Variants in SAMMSON observed in about 807,000 individuals in gnomAD.
SAMMSON encodes long intergenic non-protein coding RNA 1212.
intron 6 of SAMMSON, among the ~76,000 whole-genome samples, chr3:70,268,930 G>T (rs1227341603): frequency 2.0e-5 from 3 of 151,982 alleles, no homozygotes; most frequent in Non-Finnish European, 4.4e-5. Context: ...ACTGACAATG[G>T]AAGCAATTAA....
At chr3:70,382,298 G>C (rs1404478416) in intron 9 of SAMMSON, among the ~76,000 whole-genome samples, 6 of 151,968 alleles carry the variant, frequency 3.9e-5, no homozygotes, top group Non-Finnish European at 5.9e-5. Context: ...ATTCTTAACA[G>C]TATCTTTTGA....
chr3:70,406,482 A>AC (rs1701179299), intron 2 of SAMMSON, among the ~76,000 whole-genome samples: 1 of 152,194 alleles, frequency 6.6e-6, no homozygotes, highest in Non-Finnish European at 1.5e-5. Context: ...TTGGTTTTAA[A>AC]CATTTTTTAA....
intron 4 of SAMMSON, among the ~76,000 whole-genome samples, chr3:70,096,599 G>C (rs186479236): frequency 2.9e-4 from 44 of 152,212 alleles, no homozygotes; most frequent in South Asian, 4.2e-4. Context: ...AATCCTGAAA[G>C]TGACATTCTG....
At chr3:70,119,683 T>A (rs1194981540) in intron 4 of SAMMSON, among the ~76,000 whole-genome samples, 5 of 152,104 alleles carry the variant, frequency 3.3e-5, no homozygotes, top group African/African-American at 1.2e-4. Context: ...TCAAGAAAAA[T>A]GTTTAAATAC....
intron 6 of SAMMSON, among the ~76,000 whole-genome samples, chr3:70,252,087 C>A (rs1272904344): frequency 2.0e-5 from 3 of 152,152 alleles, no homozygotes; most frequent in Non-Finnish European, 4.4e-5. Flanking sequence ...CAATTCTAAG[C>A]TAGCTCTGAA....
chr3:70,242,855 A>G (rs184171504), intron 4 of SAMMSON, among the ~76,000 whole-genome samples: 45 of 152,246 alleles, frequency 3.0e-4, no homozygotes, highest in Admixed American at 2.4e-3. Flanking sequence ...GGAGTATTTG[A>G]AAAAGCAAAT....
intron 4 of SAMMSON, among the ~76,000 whole-genome samples, chr3:70,109,629 A>G (rs2067380388): frequency 6.6e-6 from 1 of 152,144 alleles, no homozygotes; most frequent in African/African-American, 2.4e-5. Flanking sequence ...TGCGCATCAT[A>G]TTCACAATAG....
At chr3:70,350,453 C>T (rs1575631433) in intron 7 of SAMMSON, among the ~76,000 whole-genome samples, 1 of 151,988 alleles carries the variant, frequency 6.6e-6, no homozygotes, top group East Asian at 1.9e-4. Flanking sequence ...GAGTTTGTTT[C>T]TTGATATGTA....
At chr3:70,097,497 A>G (rs953235635) in intron 4 of SAMMSON, among the ~76,000 whole-genome samples, 2 of 152,234 alleles carry the variant, frequency 1.3e-5, no homozygotes, top group African/African-American at 4.8e-5. Flanking sequence ...TAAATTTTAT[A>G]ACTTGATTTG....
intron 3 of SAMMSON, chr3:70,030,419 A>C (rs753154127): frequency 6.6e-6 from 1 of 152,224 alleles, no homozygotes; most frequent in Non-Finnish European, 1.5e-5. Flanking sequence ...CTTTCTACAA[A>C]TATAACCAGA....
chr3:70,134,800 C>G (rs1354492134), intron 4 of SAMMSON, among the ~76,000 whole-genome samples: 2 of 152,080 alleles, frequency 1.3e-5, no homozygotes, highest in Admixed American at 1.3e-4. Flanking sequence ...CGGTACATTA[C>G]TCATGAATGG....
intron 3 of SAMMSON, among the ~76,000 whole-genome samples, chr3:70,034,994 C>T (rs2067080083): frequency 6.6e-6 from 1 of 152,086 alleles, no homozygotes; most frequent in African/African-American, 2.4e-5. Flanking sequence ...TATCAATGAC[C>T]TCACAGATAT....
chr3:70,091,389 G>A (rs2067304410), intron 4 of SAMMSON, among the ~76,000 whole-genome samples: 1 of 152,166 alleles, frequency 6.6e-6, no homozygotes, highest in African/African-American at 2.4e-5. Flanking sequence ...CTTCAGGTTG[G>A]TGGGATTTGT....
intron 6 of SAMMSON, among the ~76,000 whole-genome samples, chr3:70,290,213 G>A (rs2106691713): frequency 6.6e-6 from 1 of 152,296 alleles, no homozygotes; most frequent in African/African-American, 2.4e-5. Flanking sequence ...GGTCTTTGAT[G>A]ATGGTGATGT....
At chr3:70,371,712 A>G (rs181180197) in intron 9 of SAMMSON, among the ~76,000 whole-genome samples, 1 of 152,066 alleles carries the variant, frequency 6.6e-6, no homozygotes, top group Admixed American at 6.6e-5. Context: ...AAATTCATTT[A>G]TCAAATCTAA....
chr3:70,065,839 C>T (rs1307263701), intron 3 of SAMMSON, among the ~76,000 whole-genome samples: 1 of 152,116 alleles, frequency 6.6e-6, no homozygotes, highest in African/African-American at 2.4e-5. Flanking sequence ...CTGCCCACTC[C>T]ATCCCTTGTT....
At chr3:70,021,517 T>C (rs1376797789) in intron 3 of SAMMSON, among the ~76,000 whole-genome samples, 1 of 152,206 alleles carries the variant, frequency 6.6e-6, no homozygotes, top group African/African-American at 2.4e-5. Context: ...CATAGCTTGT[T>C]TAAATAATGC....
Position 70,209,680 on chromosome 3 carries a change from A to G in SAMMSON, n.508-39427A>G, listed in dbSNP as rs76537842. On this transcript the variant is annotated intron_variant and non_coding_transcript_variant, in intron 4 of 9. Transcript: ENST00000642114. ...CTTTGTGCTTGTCCTTTTCCCTTTT[A>G]TATTATGCAATGTTTTCTCTGATTT... Among the ~76,000 whole-genome samples the G allele has an allele frequency of 3.3e-4, 50 of 152,110 alleles. No homozygotes were observed. The East Asian group carries it at 9.5e-3, about 29-fold the overall frequency.
At chr3:70,286,125 T>G (rs983919870) in intron 6 of SAMMSON, among the ~76,000 whole-genome samples, 1 of 152,240 alleles carries the variant, frequency 6.6e-6, no homozygotes, top group Non-Finnish European at 1.5e-5. Context: ...GGACATGAAG[T>G]CCTTGCCCAT....
Sources: gnomAD v4.1 joint callset for allele counts (sites outside exome capture counted in the v4.1 genomes callset) on GRCh38, gnomAD v4.1.1 for gene constraint, MANE v1.5 for transcripts, NCBI Gene and HGNC (gene_info 2026-07-23, HGNC 2026-07-21) for gene names.